Variants in CRADD observed in about 807,000 individuals in gnomAD.
CRADD encodes CARD and death domain containing adaptor protein, also known as death domain-containing protein CRADD.
CRADD carries 9 observed loss-of-function variants against 15.5 expected under a neutral mutation model. The observed-to-expected ratio is 0.58, with a 90% CI of 0.35 to 1.01. The LOEUF is 1.01. Ranked by LOEUF, CRADD falls within the 50% of genes least tolerant of loss-of-function variation. CRADD has a pLI of 0.02. For missense variants in CRADD, 227 were observed against 250.3 expected, an observed-to-expected ratio of 0.91 and a Z score of 0.63; for synonymous variants, 118 against 107.6, an observed-to-expected ratio of 1.10 and a Z score of -0.60.
In CRADD at chr12:93,793,466, C is replaced by T. The variant is rs570608442; in HGVS notation, c.299-56504C>T. Among the ~76,000 whole-genome samples, 6 of 152,046 alleles carry T rather than the reference C, an allele frequency of 3.9e-5. No individual in the cohort carries two copies. The East Asian group carries it at 5.8e-4, about 15-fold the overall frequency. On this transcript the variant is annotated intron_variant, in intron 2 of 2. Coordinates refer to ENST00000332896, the MANE Select transcript of CRADD (RefSeq NM_003805.5). Reference sequence around the variant, plus strand: ...CGTGGTCCATTCAGTGGGCTGTGGGCGATAGTTTGAGAATCCTGCTTTAAA... The same window carrying T: ...CGTGGTCCATTCAGTGGGCTGTGGGTGATAGTTTGAGAATCCTGCTTTAAA...
At chr12:93,856,371 A>C (rs1164748403) in intron 2 of CRADD, among the ~76,000 whole-genome samples, 1 of 152,222 alleles carries the variant, frequency 6.6e-6, no homozygotes, top group African/African-American at 2.4e-5. Flanking sequence ...ACACTATGCA[A>C]GTTACCAGAG....
chr12:93,689,125 C>T (rs1955506276), intron 2 of CRADD, among the ~76,000 whole-genome samples: 1 of 152,150 alleles, frequency 6.6e-6, no homozygotes. Flanking sequence ...ACTAAATCTC[C>T]TTGGCTGTGA....
At chr12:93,708,353 C>T (rs2364871) in intron 2 of CRADD, 22,045 of 152,128 alleles carry the variant, frequency 0.14, 2,922 homozygotes, top group African/African-American at 0.36. Flanking sequence ...TCCGTCACTC[C>T]GAAAACATGA....
chr12:93,778,247 C>A (rs1256014423), intron 2 of CRADD, among the ~76,000 whole-genome samples: 1 of 152,200 alleles, frequency 6.6e-6, no homozygotes, highest in Non-Finnish European at 1.5e-5. Context: ...ATCTCACCCA[C>A]TTTTAAACCT....
chr12:93,699,300 G>A (rs1354900453), intron 2 of CRADD, among the ~76,000 whole-genome samples: 2 of 152,154 alleles, frequency 1.3e-5, no homozygotes, highest in Non-Finnish European at 2.9e-5. Flanking sequence ...GGCCATTGAA[G>A]CTTTTCTTTC....
intron 2 of CRADD, among the ~76,000 whole-genome samples, chr12:93,828,583 T>A (rs1281307708): frequency 6.6e-6 from 1 of 152,250 alleles, no homozygotes; most frequent in Non-Finnish European, 1.5e-5. Flanking sequence ...TAGCATCACT[T>A]GTTGAAGAAA....
At chr12:93,724,082 G>C (rs369665757) in intron 2 of CRADD, among the ~76,000 whole-genome samples, 2 of 152,052 alleles carry the variant, frequency 1.3e-5, no homozygotes, top group Non-Finnish European at 2.9e-5. Context: ...TCTTGGGGAA[G>C]TTTCTGCTCC....
chr12:93,800,538 T>A (rs1425175110), intron 2 of CRADD, among the ~76,000 whole-genome samples: 2 of 151,924 alleles, frequency 1.3e-5, no homozygotes, highest in Non-Finnish European at 2.9e-5. Context: ...AATGAGTGAG[T>A]TCTCACAAGA....
chr12:93,821,745 C>T (rs2137019574), intron 2 of CRADD, among the ~76,000 whole-genome samples: 1 of 152,264 alleles, frequency 6.6e-6, no homozygotes, highest in South Asian at 2.1e-4. Context: ...TTGAGAGGGG[C>T]ACAGCCTCTT....
At chr12:93,774,314 G>T (rs929393395) in intron 2 of CRADD, among the ~76,000 whole-genome samples, 5 of 152,186 alleles carry the variant, frequency 3.3e-5, no homozygotes, top group African/African-American at 1.2e-4. Flanking sequence ...GATTCCTAGA[G>T]TATTAGAGCT....
chr12:93,827,492 A>G (rs1438910617), intron 2 of CRADD, among the ~76,000 whole-genome samples: 1 of 152,210 alleles, frequency 6.6e-6, no homozygotes, highest in Non-Finnish European at 1.5e-5. Context: ...TTCGTCGGCT[A>G]TTACAAATAA....
At chr12:93,695,292 A>T (rs1237253154) in intron 2 of CRADD, among the ~76,000 whole-genome samples, 1 of 152,228 alleles carries the variant, frequency 6.6e-6, no homozygotes, top group African/African-American at 2.4e-5. Context: ...ATCTCACACC[A>T]TGTATAAAAA....
chr12:93,718,376 A>G (rs1956199501), intron 2 of CRADD, among the ~76,000 whole-genome samples: 1 of 152,106 alleles, frequency 6.6e-6, no homozygotes. Flanking sequence ...TACGTATTTT[A>G]TTAGATTTAT....
At chr12:93,806,720 T>G (rs1320216257) in intron 2 of CRADD, among the ~76,000 whole-genome samples, 2 of 152,136 alleles carry the variant, frequency 1.3e-5, no homozygotes, top group Non-Finnish European at 2.9e-5. Flanking sequence ...AGACATTACA[T>G]GTTTCATAAG....
intron 2 of CRADD, among the ~76,000 whole-genome samples, chr12:93,769,383 C>T (rs772549216): frequency 3.9e-5 from 6 of 152,120 alleles, no homozygotes; most frequent in Non-Finnish European, 8.8e-5. Context: ...CACTCTTGGC[C>T]CACCATTCTA....
chr12:93,791,467 A>G (rs76194825), intron 2 of CRADD, among the ~76,000 whole-genome samples: 2,849 of 152,308 alleles, frequency 0.019, 102 homozygotes, highest in African/African-American at 0.065. Flanking sequence ...CGTGGAATCT[A>G]AAAGAGTTAA....
At chr12:93,771,058 A>G (rs1309558844) in intron 2 of CRADD, among the ~76,000 whole-genome samples, 1 of 152,226 alleles carries the variant, frequency 6.6e-6, no homozygotes, top group Non-Finnish European at 1.5e-5. Context: ...TCCAATGGCT[A>G]TAGAATATTT....
intron 2 of CRADD, among the ~76,000 whole-genome samples, chr12:93,767,701 G>A (rs1389858490): frequency 6.6e-6 from 1 of 152,154 alleles, no homozygotes; most frequent in Non-Finnish European, 1.5e-5. Context: ...TTAAAAGCCT[G>A]AATCATCACA....
At position 93,807,942 on chromosome 12, in the gene CRADD, G is replaced by A. The variant is rs921270653; in HGVS notation, c.299-42028G>A. Among the ~76,000 whole-genome samples, 4 of 116,296 alleles carry A rather than the reference G, an allele frequency of 3.4e-5. No homozygotes were observed. The Admixed American group carries it at 4.5e-4, about 13-fold the overall frequency. The allele number at this position is 116,296 out of a possible 152,430, so 76.3% of individuals were successfully genotyped here. On this transcript the variant is annotated intron_variant, in intron 2 of 2. Transcript: ENST00000332896. Reference sequence around the variant, plus strand: ...GACAGGCAATAAGCATTATAAATAAGTAAATTACCTGGTATGTTAGAAGAT... The same window carrying A: ...GACAGGCAATAAGCATTATAAATAAATAAATTACCTGGTATGTTAGAAGAT...
Sources: allele counts gnomAD v4.1 joint callset (sites outside exome capture counted in the v4.1 genomes callset), GRCh38; gene constraint gnomAD v4.1.1; transcripts MANE v1.5; gene names NCBI Gene and HGNC (gene_info 2026-07-23, HGNC 2026-07-21).